The following SLIT3 variants were observed in gnomAD, a reference collection of about 807,000 sequenced individuals.
The protein encoded by SLIT3 is slit homolog 3 protein.
Under a neutral mutation model 184.0 loss-of-function variants are expected in SLIT3, and 68 were observed. The ratio of observed to expected loss-of-function variants is 0.37; its 90% CI spans 0.30 to 0.45. The LOEUF (loss-of-function observed/expected upper bound fraction) is 0.45. Ranked by LOEUF, SLIT3 falls within the 20% of genes least tolerant of loss-of-function variation. The pLI is 1.00. For missense variants in SLIT3, 1,707 were observed against 2,026.0 expected, an observed-to-expected ratio of 0.84 and a Z score of 3.02; for synonymous variants, 831 against 828.6, an observed-to-expected ratio of 1.00 and a Z score of -0.05.
chr5:169,105,262 T>G (rs1760161754), intron 4 of SLIT3, among the ~76,000 whole-genome samples: 1 of 152,224 alleles, frequency 6.6e-6, no homozygotes, highest in African/African-American at 2.4e-5. Flanking sequence ...GACACATCAT[T>G]TGGTTAAACC....
chr5:168,726,815 CAAACA>C (rs761107889), intron 20 of SLIT3, among the ~76,000 whole-genome samples: 5 of 148,450 alleles, frequency 3.4e-5, no homozygotes, highest in African/African-American at 9.9e-5. Flanking sequence ...CCTAAAAATA[CAAACA>C]AAACAAAACA....
intron 4 of SLIT3, among the ~76,000 whole-genome samples, chr5:168,935,350 G>A (rs1184995914): frequency 6.6e-6 from 1 of 152,014 alleles, no homozygotes; most frequent in Non-Finnish European, 1.5e-5. Context: ...GAGGGCCTCT[G>A]GCCACACCCC....
intron 4 of SLIT3, among the ~76,000 whole-genome samples, chr5:169,033,771 T>C (rs143706069): frequency 6.6e-6 from 1 of 152,136 alleles, no homozygotes; most frequent in Admixed American, 6.5e-5. Flanking sequence ...CTTTTGCCCA[T>C]TTTTAAATTG....
intron 4 of SLIT3, among the ~76,000 whole-genome samples, chr5:168,953,671 C>T (rs1762733536): frequency 6.8e-6 from 1 of 147,126 alleles, no homozygotes; most frequent in Non-Finnish European, 1.5e-5. Flanking sequence ...CTGCAGAGCC[C>T]AGTGCCTGGC....
chr5:168,666,664 G>A lies in SLIT3; in HGVS notation c.4362C>T (p.Val1454=). Residue 1454 remains valine, a synonymous_variant, in exon 36 of 36, where the codon GTC becomes GTT. Coordinates refer to ENST00000519560, the MANE Select transcript of SLIT3 (RefSeq NM_003062.4). ...CTTTCTGGCGGCGGATCACCTCTCG[G>A]ACTACTTGTCCCAGGCACGGATTCT... is the stretch of plus-strand genomic sequence containing the variant. ...QQENPCLGQV[V]REVIRRQKGY... is the part of the protein sequence containing the mutation. 1 of 1,614,152 alleles carries A rather than the reference G, an allele frequency of 6.2e-7. No homozygotes were observed. Among genetic ancestry groups the A allele is most frequent in the Non-Finnish European group, 8.5e-7 (1 of 1,180,044 alleles).
intron 4 of SLIT3, among the ~76,000 whole-genome samples, chr5:169,032,368 C>A (rs1757057622): frequency 6.6e-6 from 1 of 151,994 alleles, no homozygotes; most frequent in South Asian, 2.1e-4. Context: ...ATAAATCTAC[C>A]TTTTTTATGC....
At chr5:169,023,418 A>G (rs1289803144) in intron 4 of SLIT3, among the ~76,000 whole-genome samples, 2 of 152,142 alleles carry the variant, frequency 1.3e-5, no homozygotes, top group African/African-American at 4.8e-5. Context: ...GATAATTGTA[A>G]GACTAAAGCT....
intron 5 of SLIT3, among the ~76,000 whole-genome samples, chr5:168,856,808 C>T (rs2974423): frequency 0.27 from 27,977 of 103,228 alleles, 2,718 homozygotes; most frequent in East Asian, 0.35. Context: ...TGTGTGTGTG[C>T]GCGCGCGCGC....
chr5:168,938,628 A>G (rs1762236360), intron 4 of SLIT3, among the ~76,000 whole-genome samples: 1 of 151,928 alleles, frequency 6.6e-6, no homozygotes, highest in Non-Finnish European at 1.5e-5. Context: ...TCTCTACACA[A>G]TGATTATTAT....
chr5:168,725,986 G>C (rs1466295973), intron 20 of SLIT3, among the ~76,000 whole-genome samples: 1 of 152,108 alleles, frequency 6.6e-6, no homozygotes, highest in African/African-American at 2.4e-5. Context: ...CATGGCACAG[G>C]GTGCTGGACT....
At chr5:169,130,638 G>C (rs1420552867) in intron 4 of SLIT3, among the ~76,000 whole-genome samples, 2 of 152,148 alleles carry the variant, frequency 1.3e-5, no homozygotes, top group African/African-American at 4.8e-5. Flanking sequence ...ATAAATATTT[G>C]TTACATGAGC....
At chr5:169,045,828 A>G (rs1757604806) in intron 4 of SLIT3, among the ~76,000 whole-genome samples, 1 of 152,152 alleles carries the variant, frequency 6.6e-6, no homozygotes, top group South Asian at 2.1e-4. Context: ...CTCCGATTTT[A>G]CCATACACCG....
intron 3 of SLIT3, among the ~76,000 whole-genome samples, chr5:169,243,988 A>G (rs1171765626): frequency 6.6e-6 from 1 of 152,262 alleles, no homozygotes; most frequent in Non-Finnish European, 1.5e-5. Flanking sequence ...GAAGTTGCCT[A>G]CTTAACCATC....
At chr5:168,818,821 C>G (rs574332384) in intron 7 of SLIT3, among the ~76,000 whole-genome samples, 116 of 152,352 alleles carry the variant, frequency 7.6e-4, no homozygotes, top group Admixed American at 5.9e-3. Context: ...GGCCTTCCTG[C>G]CACTGTGTGG....
In SLIT3 at chr5:168,679,951, G is replaced by A. The variant is rs2113207792; in HGVS notation, c.3686+4015C>T. Among the ~76,000 whole-genome samples the A allele has an allele frequency of 2.0e-5, 3 of 152,362 alleles. No individual in the cohort carries two copies. In the Middle Eastern group the frequency reaches 0.01, roughly 518 times the overall value. On this transcript the variant is annotated intron_variant, in intron 32 of 35. Transcript: ENST00000519560. ...AGGATTGTAGAAATCAAGACTCAGA[G>A]AGCATGCACTGCATTGCATTCAAAG...
chr5:169,158,061 A>G (rs1762367464), intron 4 of SLIT3, among the ~76,000 whole-genome samples: 1 of 152,142 alleles, frequency 6.6e-6, no homozygotes, highest in Admixed American at 6.5e-5. Flanking sequence ...AAAATACATG[A>G]AGAAATAATG....
intron 5 of SLIT3, among the ~76,000 whole-genome samples, chr5:168,854,099 G>A (rs1462003993): frequency 6.6e-6 from 1 of 152,114 alleles, no homozygotes; most frequent in Non-Finnish European, 1.5e-5. Flanking sequence ...CTAGTACATG[G>A]GAGAGTCAAG....
chr5:168,996,090 G>A (rs927345478), intron 4 of SLIT3, among the ~76,000 whole-genome samples: 3 of 152,228 alleles, frequency 2.0e-5, no homozygotes, highest in Admixed American at 6.5e-5. Flanking sequence ...CAGGGCAGGA[G>A]CTCCACAAAG....
intron 10 of SLIT3, among the ~76,000 whole-genome samples, chr5:168,794,790 C>G (rs970135699): frequency 6.6e-6 from 1 of 152,184 alleles, no homozygotes. Flanking sequence ...AAACCATCGA[C>G]ACATGCTCCC....
Sources: allele counts gnomAD v4.1 joint callset (sites outside exome capture counted in the v4.1 genomes callset), GRCh38; gene constraint gnomAD v4.1.1; transcripts MANE v1.5; gene names NCBI Gene and HGNC (gene_info 2026-07-23, HGNC 2026-07-21).